Variants in PLAG1 observed in about 807,000 individuals in gnomAD.
PLAG1 encodes the protein zinc finger protein PLAG1.
In PLAG1, 7 loss-of-function variants were observed where a neutral mutation model predicts 35.5. That is an observed-to-expected ratio of 0.20 (90% CI 0.11 to 0.37). The LOEUF (loss-of-function observed/expected upper bound fraction) is 0.37, where lower values mean the gene tolerates loss of function less well. Among genes scored for constraint, PLAG1 ranks in the 10% least tolerant of loss-of-function variants. The pLI, the probability that PLAG1 is intolerant of heterozygous loss-of-function variation, is 1.00. For synonymous variants in PLAG1, 229 were observed against 225.4 expected (o/e 1.02, Z -0.14); for missense variants, 454 against 602.8 (o/e 0.75, Z 2.58).
Position 56,167,294 on chromosome 8 carries a change from G to A in PLAG1, c.452C>T (p.Thr151Ile). 6.2e-7 allele frequency: 1 copy of A among 1,614,008 alleles called. No homozygotes were observed. The highest frequency in any genetic ancestry group is 8.5e-7 in the Non-Finnish European group (1 of 1,179,964). The change falls in exon 5 of 5, where the codon ACC (threonine) becomes ATC (isoleucine). Residue 151 changes from threonine to isoleucine, a missense_variant. Around this residue, in one of 4 missense-constraint regions of PLAG1, gnomAD observed 170 missense variants for 226.3 expected, o/e 0.75. Coordinates refer to ENST00000316981, the MANE Select transcript of PLAG1 (RefSeq NM_002655.3). The surrounding 1 kb of genome is among the most constrained non-coding windows in gnomAD (Gnocchi z 5.9). Reference protein sequence around the residue: ...ALHAATSGDLTCKVCLQTFES... With the variant: ...ALHAATSGDLICKVCLQTFES... ...AAAAGTTTGCAAACATACCTTACAG[G>A]TGAGGTCACCACTTGTTGCGGCATG...
At chr8:56,202,228 T>C (rs1275235465) in intron 1 of PLAG1, among the ~76,000 whole-genome samples, 2 of 152,232 alleles carry the variant, frequency 1.3e-5, no homozygotes, top group East Asian at 3.8e-4. Context: ...GAAAAAGATC[T>C]AGATTTTAGT....
At chr8:56,168,484 TA>T in intron 3 of PLAG1, 98 bp from the exon 4 acceptor site, 1 of 439,352 alleles carries the variant, frequency 2.3e-6, no homozygotes, top group Non-Finnish European at 3.8e-6. Flanking sequence ...AAGAAACCAA[TA>T]AAATGGATTC....
At chr8:56,197,245 G>A (rs750984418) in intron 1 of PLAG1, among the ~76,000 whole-genome samples, 9 of 152,100 alleles carry the variant, frequency 5.9e-5, no homozygotes, top group Non-Finnish European at 1.0e-4. Context: ...CCTCACATCC[G>A]GGGCTGTGTG....
Position 56,165,680 on chromosome 8 carries a change from G to A in PLAG1, c.*563C>T. On this transcript the variant is annotated 3_prime_UTR_variant, in exon 5 of 5. Transcript: ENST00000316981. The stretch of plus-strand genomic sequence containing the variant: ...GCAAATATTTTAGCCAGACAACAGG[G>A]AGTCTTCAGAATATACTGATCTGAA... 5.1e-6 allele frequency: 1 copy of A among 197,372 alleles called. No individual in the cohort carries two copies. The highest frequency in any genetic ancestry group is 6.0e-5 in the Admixed American group (1 of 16,574). 12.2% of individuals were successfully genotyped at this position (197,372 alleles called of 1,614,324 possible).
intron 1 of PLAG1, among the ~76,000 whole-genome samples, chr8:56,203,786 T>C (rs775575977): frequency 1.3e-5 from 2 of 151,986 alleles, no homozygotes; most frequent in Non-Finnish European, 2.9e-5. Flanking sequence ...TGAAATTGAA[T>C]AGTAAACATC....
intron 1 of PLAG1, among the ~76,000 whole-genome samples, chr8:56,184,873 A>G (rs188929594): frequency 6.6e-6 from 1 of 152,206 alleles, no homozygotes; most frequent in East Asian, 1.9e-4. Context: ...CTTGAACCTG[A>G]GAGTCGGAGG....
intron 2 of PLAG1, among the ~76,000 whole-genome samples, chr8:56,178,483 T>G (rs1013789150): frequency 6.6e-6 from 1 of 152,232 alleles, no homozygotes; most frequent in Non-Finnish European, 1.5e-5. Context: ...AGTATACTGA[T>G]AGCTAAAATT....
rs1811370444 is a variant in PLAG1 at position 56,166,822 on chromosome 8, G to T, written c.924C>A (p.Ile308=). ...ATGTCATTCCCAAAGGTAAAGTTGT[G>T]ATCATTTGGTGGGCAGATCCCGAGC... The part of the protein sequence containing the change: ...MQSSGSAHQM[I]TTLPLGMTCP... Residue 308 remains isoleucine, a synonymous_variant, in exon 5 of 5, where the codon ATC becomes ATA. Transcript: ENST00000316981. 1 of 1,613,894 alleles carries T rather than the reference G, an allele frequency of 6.2e-7. No homozygotes were observed. Among genetic ancestry groups the T allele is most frequent in the African/African-American group, 1.3e-5 (1 of 74,924 alleles).
At chr8:56,203,938 G>C (rs1812629436) in intron 1 of PLAG1, among the ~76,000 whole-genome samples, 1 of 151,890 alleles carries the variant, frequency 6.6e-6, no homozygotes, top group South Asian at 2.1e-4. Flanking sequence ...AAGGTGCAAG[G>C]AAAACAAATT....
rs146711090 is a variant in PLAG1 at position 56,177,997 on chromosome 8, G to A, written c.-217+1412C>T. The A allele has an allele frequency of 1.6e-5, 16 of 978,172 alleles. No individual in the cohort carries two copies. The East Asian group carries it at 1.1e-3, about 70-fold the overall frequency. The allele number at this position is 978,172 out of a possible 1,614,324, so 60.6% of individuals were successfully genotyped here. On this transcript the variant is annotated intron_variant, in intron 2 of 4. Transcript: ENST00000316981. ...CCCGCCAAGCACGGATACAAACCTG[G>A]GTAGCACTCAGCCAGCCTGGACGTT...
chr8:56,175,911 C>T (rs1342244420), intron 2 of PLAG1, among the ~76,000 whole-genome samples: 1 of 152,152 alleles, frequency 6.6e-6, no homozygotes, highest in African/African-American at 2.4e-5. Flanking sequence ...ACAGATAACC[C>T]AATGAAGAAG....
At chr8:56,189,173 T>C (rs1812108681) in intron 1 of PLAG1, among the ~76,000 whole-genome samples, 1 of 152,220 alleles carries the variant, frequency 6.6e-6, no homozygotes, top group African/African-American at 2.4e-5. Flanking sequence ...TCCATGCTGT[T>C]GGCCAAATGA....
At chr8:56,198,182 G>A (rs1455820051) in intron 1 of PLAG1, among the ~76,000 whole-genome samples, 6 of 152,308 alleles carry the variant, frequency 3.9e-5, no homozygotes, top group Non-Finnish European at 7.4e-5. Flanking sequence ...ACCCTGTGCC[G>A]GTTCTGAGAC....
chr8:56,197,861 C>A (rs188935921), intron 1 of PLAG1, among the ~76,000 whole-genome samples: 448 of 152,262 alleles, frequency 2.9e-3, no homozygotes, highest in African/African-American at 0.01. Context: ...TTGCGCAGGG[C>A]TTAGCTATGG....
intron 1 of PLAG1, among the ~76,000 whole-genome samples, chr8:56,182,288 G>A (rs1470149521): frequency 2.0e-5 from 3 of 152,188 alleles, no homozygotes; most frequent in East Asian, 3.8e-4. Flanking sequence ...GTCCACTTAT[G>A]TGCCTAATAG....
intron 2 of PLAG1, among the ~76,000 whole-genome samples, chr8:56,179,018 G>A (rs1811789294): frequency 1.9e-5 from 2 of 105,406 alleles, no homozygotes; most frequent in South Asian, 3.3e-4. Flanking sequence ...ATCCCGCCCA[G>A]GAGACAAAAA....
chr8:56,179,773 G>C (rs901116688), intron 1 of PLAG1, among the ~76,000 whole-genome samples: 26 of 147,838 alleles, frequency 1.8e-4, no homozygotes, highest in African/African-American at 5.8e-4. Context: ...ATTATTTCAA[G>C]TTTACTGTCA....
At chr8:56,189,846 T>C (rs561726704) in intron 1 of PLAG1, among the ~76,000 whole-genome samples, 64 of 151,980 alleles carry the variant, frequency 4.2e-4, no homozygotes, top group African/African-American at 1.5e-3. Context: ...CAGACTAGGG[T>C]AGAAATGCTT....
At chr8:56,203,249 C>A (rs1812607744) in intron 1 of PLAG1, among the ~76,000 whole-genome samples, 1 of 152,098 alleles carries the variant, frequency 6.6e-6, no homozygotes, top group Admixed American at 6.6e-5. Context: ...GATACAAAAA[C>A]AACTATCTGA....
Sources: gnomAD v4.1 joint callset for allele counts (sites outside exome capture counted in the v4.1 genomes callset) on GRCh38, gnomAD v4.1.1 for gene constraint, gnomAD v4.1.1 regional missense constraint, Gnocchi (gnomAD v3.1) non-coding constraint, MANE v1.5 for transcripts, NCBI Gene and HGNC (gene_info 2026-07-23, HGNC 2026-07-21) for gene names.